The following PODXL variants were observed in gnomAD, a reference collection of about 807,000 sequenced individuals.
The protein encoded by PODXL is podocalyxin.
A neutral mutation model predicts 48.9 loss-of-function variants in PODXL; 20 were observed. The observed-to-expected ratio is 0.41, with a 90% CI of 0.29 to 0.59. The LOEUF (loss-of-function observed/expected upper bound fraction) is 0.59. PODXL is among the 20% of genes least tolerant of loss of function. The pLI, the probability that PODXL is intolerant of heterozygous loss-of-function variation, is 0.31. For synonymous variants in PODXL, 295 were observed against 287.4 expected, an observed-to-expected ratio of 1.03 and a Z score of -0.27; for missense variants, 606 against 675.1, an observed-to-expected ratio of 0.90 and a Z score of 1.13.
chr7:131,515,285 G>A (rs1797973733), intron 1 of PODXL, among the ~76,000 whole-genome samples: 1 of 152,192 alleles, frequency 6.6e-6, no homozygotes, highest in Non-Finnish European at 1.5e-5. Context: ...TTTGTTTGCA[G>A]CTGAAGGGCT....
At chr7:131,534,701 G>C (rs935252402) in intron 1 of PODXL, among the ~76,000 whole-genome samples, 3 of 152,164 alleles carry the variant, frequency 2.0e-5, no homozygotes, top group African/African-American at 7.2e-5. Flanking sequence ...GGAAGAGTCT[G>C]GTAAGTGAGA....
chr7:131,517,185 G>A (rs1409597997), intron 1 of PODXL, among the ~76,000 whole-genome samples: 1 of 152,196 alleles, frequency 6.6e-6, no homozygotes, highest in African/African-American at 2.4e-5. Flanking sequence ...GCTGATTTCA[G>A]TGGGGACGGA....
chr7:131,532,517 T>TTG (rs1308676996), intron 1 of PODXL, among the ~76,000 whole-genome samples: 12 of 45,970 alleles, frequency 2.6e-4, no homozygotes, highest in South Asian at 1.5e-3. Flanking sequence ...ATCTTTTTTT[T>TTG]GGAGGGGGGG....
chr7:131,544,940 G>A (rs1422649737), intron 1 of PODXL, among the ~76,000 whole-genome samples: 1 of 152,188 alleles, frequency 6.6e-6, no homozygotes, highest in African/African-American at 2.4e-5. Context: ...CTATGACAGT[G>A]CTGGCTACCA....
In PODXL at chr7:131,506,899, G is replaced by A. The variant is rs1422476730; in HGVS notation, c.1102-173C>T. ...GCCTGCCAGGAATCAAGGGTTGCAT[G>A]CTGTTCTCCTGGGCCAGTTCCTGCC... On this transcript the variant is annotated intron_variant, in intron 5 of 8. Transcript: ENST00000378555. 1.2e-5 allele frequency: 8 copies of A among 655,636 alleles called. No homozygotes were observed. The East Asian group carries it at 1.4e-4, about 11-fold the overall frequency. 40.6% of individuals were successfully genotyped at this position (655,636 alleles called of 1,614,324 possible). A position where few individuals can be genotyped will look rare whatever the true frequency, so the allele number is the denominator to read the frequency against.
At chr7:131,550,628 T>G (rs1438336508) in intron 1 of PODXL, among the ~76,000 whole-genome samples, 2 of 151,674 alleles carry the variant, frequency 1.3e-5, no homozygotes, top group African/African-American at 4.8e-5. Flanking sequence ...ACAGCGAGAT[T>G]CCATCTCAGA....
At chr7:131,542,694 G>T (rs1798502533) in intron 1 of PODXL, among the ~76,000 whole-genome samples, 1 of 152,102 alleles carries the variant, frequency 6.6e-6, no homozygotes, top group South Asian at 2.1e-4. Flanking sequence ...AAATAAAGTG[G>T]AAAGGGGGTA....
chr7:131,516,728 TTTTTTCTC>T (rs1798002181), intron 1 of PODXL, among the ~76,000 whole-genome samples: 1 of 78,902 alleles, frequency 1.3e-5, no homozygotes, highest in Non-Finnish European at 2.6e-5. Context: ...TGTGGTGCTT[TTTTTTCTC>T]TTTTTTTTTT....
intron 2 of PODXL, 45 bp downstream of exon 2, chr7:131,510,783 C>T (rs1463448587): frequency 2.5e-6 from 4 of 1,610,674 alleles, no homozygotes; most frequent in African/African-American, 1.3e-5. Context: ...CACGCCTGGC[C>T]CTGAAAAGTT....
At chr7:131,542,211 C>G (rs1041170229) in intron 1 of PODXL, among the ~76,000 whole-genome samples, 1 of 152,218 alleles carries the variant, frequency 6.6e-6, no homozygotes, top group Non-Finnish European at 1.5e-5. Context: ...CTCTTGCCCC[C>G]TGGCCCTCAA....
At chr7:131,545,633 A>G (rs1215291521) in intron 1 of PODXL, among the ~76,000 whole-genome samples, 1 of 152,200 alleles carries the variant, frequency 6.6e-6, no homozygotes, top group Non-Finnish European at 1.5e-5. Flanking sequence ...TCGATGTTCT[A>G]CTAAAAAGAG....
chr7:131,516,770 C>G (rs1798004467), intron 1 of PODXL, among the ~76,000 whole-genome samples: 2 of 124,426 alleles, frequency 1.6e-5, no homozygotes, highest in African/African-American at 6.2e-5. Flanking sequence ...GGGTCTTGCT[C>G]CATCACCTAG....
chr7:131,508,448 G>A (rs1347193279), intron 5 of PODXL, among the ~76,000 whole-genome samples: 1 of 152,054 alleles, frequency 6.6e-6, no homozygotes, highest in Admixed American at 6.6e-5. Context: ...GTAAAAACAG[G>A]GTCTTCCTAT....
chr7:131,521,157 C>CA (rs35374057), intron 1 of PODXL, among the ~76,000 whole-genome samples: 104,081 of 134,652 alleles, frequency 0.77, 40,484 homozygotes, highest in East Asian at 0.99. Flanking sequence ...GACTCCATCT[C>CA]AAAAAAAAAA....
At position 131,501,192 on chromosome 7, in the gene PODXL, A is replaced by G. The variant is rs1023475042; in HGVS notation, c.*3119T>C. The G allele has an allele frequency of 1.3e-5, 2 of 152,614 alleles. No homozygotes were observed. The highest frequency in any genetic ancestry group is 4.8e-5 in the African/African-American group (2 of 41,428). The allele number at this position is 152,614 out of a possible 1,614,324, so 9.5% of individuals were successfully genotyped here. A position where few individuals can be genotyped will look rare whatever the true frequency, so the allele number is the denominator to read the frequency against. On this transcript the variant is annotated 3_prime_UTR_variant, in exon 9 of 9. Coordinates refer to ENST00000378555, the MANE Select transcript of PODXL (RefSeq NM_001018111.3). The stretch of plus-strand genomic sequence containing the variant: ...ATATTTCATTTTTTGTTTAAAAAAA[A>G]AAATCAAGCAAAAACTTGTCATTTC...
At chr7:131,504,568 G>T in intron 8 of PODXL, 60 bp from the exon 9 acceptor site, 1 of 1,386,350 alleles carries the variant, frequency 7.2e-7, no homozygotes, top group Non-Finnish European at 1.0e-6. Flanking sequence ...GCTTAATACA[G>T]CGCATGTACG....
intron 1 of PODXL, among the ~76,000 whole-genome samples, chr7:131,549,657 G>A (rs1798637680): frequency 6.6e-6 from 1 of 152,162 alleles, no homozygotes; most frequent in South Asian, 2.1e-4. Flanking sequence ...ACATCCCTAG[G>A]GGCCTGGCTC....
intron 1 of PODXL, among the ~76,000 whole-genome samples, chr7:131,514,686 C>T (rs1235320132): frequency 6.6e-6 from 1 of 152,120 alleles, no homozygotes; most frequent in Non-Finnish European, 1.5e-5. Flanking sequence ...GGACTCACTA[C>T]AGCCTTGACC....
chr7:131,532,754 T>C (rs58327209), intron 1 of PODXL, among the ~76,000 whole-genome samples: 8,022 of 152,160 alleles, frequency 0.053, 298 homozygotes, highest in East Asian at 0.22. Context: ...TAGGAGGCGG[T>C]GCCTTGGGAG....
Sources: gnomAD v4.1 joint callset for allele counts (sites outside exome capture counted in the v4.1 genomes callset) on GRCh38, gnomAD v4.1.1 for gene constraint, MANE v1.5 for transcripts, NCBI Gene and HGNC (gene_info 2026-07-23, HGNC 2026-07-21) for gene names.